The following NPAS3 variants were observed in gnomAD, a reference collection of about 807,000 sequenced individuals.
NPAS3 encodes the protein neuronal PAS domain-containing protein 3.
Under a neutral mutation model 73.1 loss-of-function variants are expected in NPAS3, and 14 were observed. The observed-to-expected ratio is 0.19, with a 90% CI of 0.13 to 0.30. The LOEUF is 0.30. Among genes scored for constraint, NPAS3 ranks in the 10% least tolerant of loss-of-function variants. The pLI is 1.00. For synonymous variants in NPAS3, 620 were observed against 541.5 expected, an observed-to-expected ratio of 1.14 and a Z score of -2.01; for missense variants, 1,096 against 1,250.0, an observed-to-expected ratio of 0.88 and a Z score of 1.86.
At chr14:33,519,133 TAC>T (rs2053445160) in intron 4 of NPAS3, among the ~76,000 whole-genome samples, 1 of 152,120 alleles carries the variant, frequency 6.6e-6, no homozygotes, top group Non-Finnish European at 1.5e-5. Flanking sequence ...AGCTCACAGT[TAC>T]AGTTTCTAGT....
At chr14:33,004,394 G>A (rs1426908718) in intron 1 of NPAS3, among the ~76,000 whole-genome samples, 1 of 152,144 alleles carries the variant, frequency 6.6e-6, no homozygotes, top group East Asian at 1.9e-4. Context: ...GTAACACAAT[G>A]ATAAGTATTT....
intron 5 of NPAS3, among the ~76,000 whole-genome samples, chr14:33,645,457 C>T (rs1880490050): frequency 1.3e-5 from 2 of 152,080 alleles, no homozygotes; most frequent in Admixed American, 1.3e-4. Context: ...CATTTTAGAG[C>T]ATAATAAGAA....
At chr14:33,103,406 T>C (rs2042634001) in intron 2 of NPAS3, among the ~76,000 whole-genome samples, 1 of 152,292 alleles carries the variant, frequency 6.6e-6, no homozygotes, top group Non-Finnish European at 1.5e-5. Flanking sequence ...GTTCTGTATA[T>C]TATTTCTGGC....
intron 5 of NPAS3, among the ~76,000 whole-genome samples, chr14:33,627,258 C>T (rs1185166565): frequency 1.3e-5 from 2 of 152,076 alleles, no homozygotes; most frequent in Non-Finnish European, 2.9e-5. Context: ...ATATAACGTA[C>T]AAATAAAGTT....
At chr14:33,444,016 C>G (rs1040997966) in intron 4 of NPAS3, among the ~76,000 whole-genome samples, 18 of 152,182 alleles carry the variant, frequency 1.2e-4, no homozygotes, top group Non-Finnish European at 2.1e-4. Flanking sequence ...GGAACTTGAA[C>G]TATTTAATTT....
At chr14:33,271,102 G>A (rs1340374853) in intron 3 of NPAS3, among the ~76,000 whole-genome samples, 8 of 152,194 alleles carry the variant, frequency 5.3e-5, no homozygotes, top group Admixed American at 5.2e-4. Context: ...CAACAAAGAA[G>A]TATGGACAGT....
intron 7 of NPAS3, among the ~76,000 whole-genome samples, chr14:33,738,855 C>G (rs928117213): frequency 6.6e-6 from 1 of 152,172 alleles, no homozygotes; most frequent in Non-Finnish European, 1.5e-5. Flanking sequence ...TTGATTAGGT[C>G]TATGTCTGGG....
At chr14:33,217,245 TTC>T (rs1325775276) in intron 3 of NPAS3, among the ~76,000 whole-genome samples, 1 of 152,106 alleles carries the variant, frequency 6.6e-6, no homozygotes, top group East Asian at 1.9e-4. Context: ...GAAGCTCCCT[TTC>T]CTGACACGTG....
At chr14:32,937,831 A>T (rs1487029921), upstream of NPAS3, among the ~76,000 whole-genome samples, 1 of 152,194 alleles carries the variant, frequency 6.6e-6, no homozygotes, top group Non-Finnish European at 1.5e-5. Context: ...CCTGGTTGAC[A>T]CATGACTGAC....
At chr14:33,147,930 C>A (rs1186669084) in intron 2 of NPAS3, among the ~76,000 whole-genome samples, 1 of 151,836 alleles carries the variant, frequency 6.6e-6, no homozygotes, top group East Asian at 1.9e-4. Context: ...AGCTTTTGTA[C>A]ATACACACAT....
intron 5 of NPAS3, among the ~76,000 whole-genome samples, chr14:33,579,492 T>C (rs2056577491): frequency 6.6e-6 from 1 of 152,144 alleles, no homozygotes; most frequent in African/African-American, 2.4e-5. Context: ...TCTCTATATA[T>C]TATAATGAAA....
At chr14:33,383,757 C>T (rs967958593) in intron 4 of NPAS3, among the ~76,000 whole-genome samples, 95 of 152,066 alleles carry the variant, frequency 6.2e-4, no homozygotes, top group African/African-American at 2.2e-3. Flanking sequence ...TTCCAGCTTC[C>T]GGAAGTCTGG....
rs7142917 is a variant in NPAS3, at chr14:33,498,930, G to C, written c.469-61191G>C. ...TAAATGAATGAGAGAGAGAGACAGA[G>C]AGAGAGTGTGTGTGTGTGTGTGTGT... is the stretch of plus-strand genomic sequence containing the variant. On this transcript the variant is annotated intron_variant, in intron 4 of 11. Transcript: ENST00000356141. 1.7e-3 allele frequency among the ~76,000 whole-genome samples: 177 copies of C among 101,212 alleles called. 1 individual carries two copies. The highest frequency in any genetic ancestry group is 0.015 in the Admixed American group (155 of 10,540). 66.4% of individuals were successfully genotyped at this position (101,212 alleles called of 152,430 possible).
intron 1 of NPAS3, among the ~76,000 whole-genome samples, chr14:32,968,638 T>C (rs1175642531): frequency 6.6e-6 from 1 of 152,192 alleles, no homozygotes; most frequent in African/African-American, 2.4e-5. Flanking sequence ...AATATGCTTG[T>C]GCAACAACAT....
At chr14:33,543,344 A>G (rs2054607117) in intron 4 of NPAS3, among the ~76,000 whole-genome samples, 1 of 152,230 alleles carries the variant, frequency 6.6e-6, no homozygotes, top group African/African-American at 2.4e-5. Flanking sequence ...ACTTAGCAAT[A>G]GAAGTATGTT....
intron 2 of NPAS3, among the ~76,000 whole-genome samples, chr14:33,148,671 A>C (rs892695222): frequency 6.6e-6 from 1 of 152,116 alleles, no homozygotes. Flanking sequence ...GATTTGCATT[A>C]TATTTCTTTT....
At chr14:33,719,606 G>A (rs1407906530) in intron 6 of NPAS3, among the ~76,000 whole-genome samples, 1 of 152,114 alleles carries the variant, frequency 6.6e-6, no homozygotes, top group Non-Finnish European at 1.5e-5. Flanking sequence ...CACATTTAAA[G>A]AGAAAAGAAG....
intron 4 of NPAS3, among the ~76,000 whole-genome samples, chr14:33,381,397 A>G (rs2046547601): frequency 6.6e-6 from 1 of 152,194 alleles, no homozygotes; most frequent in African/African-American, 2.4e-5. Context: ...ATTATTTTTT[A>G]ACTAGGAATT....
intron 1 of NPAS3, among the ~76,000 whole-genome samples, chr14:32,945,168 A>G (rs2036199056): frequency 6.6e-6 from 1 of 152,130 alleles, no homozygotes; most frequent in South Asian, 2.1e-4. Flanking sequence ...TTCTTTTTTC[A>G]CTTCTGTTAG....
Sources: gnomAD v4.1 joint callset for allele counts (sites outside exome capture counted in the v4.1 genomes callset) on GRCh38, gnomAD v4.1.1 for gene constraint, MANE v1.5 for transcripts, NCBI Gene and HGNC (gene_info 2026-07-23, HGNC 2026-07-21) for gene names.